ASCC3: variants seen among roughly 807,000 people sequenced by gnomAD.
The protein encoded by ASCC3 is ASC-1 complex subunit P200.
Under a neutral mutation model 256.3 loss-of-function variants are expected in ASCC3, and 158 were observed. The observed-to-expected ratio is 0.62, with a 90% CI of 0.54 to 0.70. The LOEUF is 0.70. Ranked by LOEUF, ASCC3 falls within the 30% of genes least tolerant of loss-of-function variation. The pLI is 0.00. For missense variants in ASCC3, 2,259 were observed against 2,626.0 expected (o/e 0.86, Z 3.05); for synonymous variants, 948 against 883.4 (o/e 1.07, Z -1.30).
intron 13 of ASCC3, among the ~76,000 whole-genome samples, chr6:100,713,658 C>A (rs577244613): frequency 6.6e-6 from 1 of 152,110 alleles, no homozygotes; most frequent in African/African-American, 2.4e-5. Flanking sequence ...GTAGGGAGCA[C>A]ATGGAAACTC....
At chr6:100,877,620 C>T (rs144923423) in intron 1 of ASCC3, among the ~76,000 whole-genome samples, 2 of 152,216 alleles carry the variant, frequency 1.3e-5, no homozygotes, top group Non-Finnish European at 2.9e-5. Context: ...TTATTACCAT[C>T]AATTGGTTCA....
chr6:100,609,147 G>A (rs1351837415), intron 30 of ASCC3, among the ~76,000 whole-genome samples: 1 of 151,548 alleles, frequency 6.6e-6, no homozygotes, highest in East Asian at 1.9e-4. Flanking sequence ...TTGTAAATCG[G>A]TCCCTTATGT....
At chr6:100,644,603 ACT>A (rs751131228) in intron 22 of ASCC3, among the ~76,000 whole-genome samples, 19 of 151,200 alleles carry the variant, frequency 1.3e-4, no homozygotes, top group Non-Finnish European at 1.9e-4. Context: ...TCTCTCTCTT[ACT>A]CTCTCTGTCT....
At chr6:100,689,027 C>T (rs1457617006) in intron 13 of ASCC3, among the ~76,000 whole-genome samples, 1 of 152,158 alleles carries the variant, frequency 6.6e-6, no homozygotes, top group East Asian at 1.9e-4. Flanking sequence ...TTAAAACCTT[C>T]ATGCATTTGT....
rs927526712 is a variant in ASCC3 at position 100,715,621 on chromosome 6, T to C, written c.2080-88A>G. On this transcript the variant is annotated intron_variant, in intron 12 of 41. Coordinates refer to ENST00000369162, the MANE Select transcript of ASCC3 (RefSeq NM_006828.4). ...TAAAATTTTGCCAATTACAATGCAT[T>C]TTTTAAGCTTTCAGGCTATCTAGAA... is the stretch of plus-strand genomic sequence containing the variant. 15 of 1,046,982 alleles carry C rather than the reference T, an allele frequency of 1.4e-5. No individual in the cohort carries two copies. In the Admixed American group the frequency reaches 2.6e-4, roughly 18 times the overall value. The allele number at this position is 1,046,982 out of a possible 1,614,324, so 64.9% of individuals were successfully genotyped here.
intron 7 of ASCC3, 64 bp from the exon 8 acceptor site, chr6:100,798,902 T>C (rs1015363627): frequency 4.3e-6 from 6 of 1,399,646 alleles, no homozygotes; most frequent in African/African-American, 1.4e-5. Context: ...CTGGTAAATA[T>C]TCTTTAGAGA....
intron 39 of ASCC3, among the ~76,000 whole-genome samples, 161 bp downstream of exon 39, chr6:100,516,019 G>A (rs904413464): frequency 6.6e-6 from 1 of 152,102 alleles, no homozygotes; most frequent in African/African-American, 2.4e-5. Context: ...AGAACTTCTT[G>A]AGACATCTAT....
chr6:100,741,266 G>C (rs1263321291), intron 10 of ASCC3, among the ~76,000 whole-genome samples: 1 of 152,140 alleles, frequency 6.6e-6, no homozygotes, highest in Non-Finnish European at 1.5e-5. Context: ...AGTCTGATGG[G>C]CTTCCCTTTG....
intron 34 of ASCC3, among the ~76,000 whole-genome samples, chr6:100,601,548 T>A (rs1181489839): frequency 6.6e-6 from 1 of 152,096 alleles, no homozygotes; most frequent in Non-Finnish European, 1.5e-5. Context: ...TGACTTCAGG[T>A]ATCTCATGTC....
intron 8 of ASCC3, among the ~76,000 whole-genome samples, chr6:100,767,775 A>ATTT (rs71547412): frequency 7.0e-6 from 1 of 143,878 alleles, no homozygotes; most frequent in Non-Finnish European, 1.5e-5. Flanking sequence ...TGCCCGGCTA[A>ATTT]TTTTTTTTTT....
chr6:100,848,523 A>G lies in ASCC3; in HGVS notation c.426T>C (p.Ser142=), dbSNP rs1562341181. ...GCACAAGAGCAGTAAGATCATCTTG[A>G]CTAAAATGAGAAATAATTCGATTAG... ...NATNRIISHF[S]QDDLTALVQM... The change falls in exon 4 of 42, where the codon AGT becomes AGC. Residue 142 remains serine (S), a synonymous_variant. Transcript: ENST00000369162. The G allele has an allele frequency of 6.2e-7, 1 of 1,614,122 alleles. No homozygotes were observed. The highest frequency in any genetic ancestry group is 8.5e-7 in the Non-Finnish European group (1 of 1,180,012).
chr6:100,643,869 T>A (rs536565167), intron 23 of ASCC3, among the ~76,000 whole-genome samples, 162 bp downstream of exon 23: 13 of 152,134 alleles, frequency 8.5e-5, no homozygotes, highest in Admixed American at 2.6e-4. Flanking sequence ...ATACCAATAC[T>A]ATAACATTTA....
In ASCC3 at chr6:100,861,491, A is replaced by G. The variant is rs1228641983; in HGVS notation, c.241+2573T>C. ...TAAATATAAGAGAAATGACAGGGAC[A>G]TTTTCCACATGAGACTAATCCTTTC... is the stretch of plus-strand genomic sequence containing the variant. On this transcript the variant is annotated intron_variant, in intron 3 of 41. Transcript: ENST00000369162. 2.0e-5 allele frequency among the ~76,000 whole-genome samples: 3 copies of G among 152,140 alleles called. No homozygotes were observed. The East Asian group carries it at 5.8e-4, about 29-fold the overall frequency.
intron 1 of ASCC3, among the ~76,000 whole-genome samples, 191 bp from the exon 2 acceptor site, chr6:100,868,229 G>A: frequency 6.6e-6 from 1 of 152,180 alleles, no homozygotes; most frequent in East Asian, 1.9e-4. Flanking sequence ...ATTAGCTATG[G>A]TTGGAGAAAG....
chr6:100,530,252 G>A (rs1404853109), intron 37 of ASCC3: 2 of 950,350 alleles, frequency 2.1e-6, no homozygotes, highest in Non-Finnish European at 3.4e-6. Flanking sequence ...ACAGGAGGAG[G>A]GGAGAGGCCT....
intron 37 of ASCC3, among the ~76,000 whole-genome samples, chr6:100,533,620 G>C (rs1582402997): frequency 6.6e-6 from 1 of 152,262 alleles, no homozygotes; most frequent in South Asian, 2.1e-4. Flanking sequence ...ACAGCCCTCT[G>C]CTTCTCAGAT....
intron 36 of ASCC3, among the ~76,000 whole-genome samples, chr6:100,581,031 G>A (rs1175383354): frequency 2.0e-5 from 3 of 151,982 alleles, no homozygotes; most frequent in Non-Finnish European, 4.4e-5. Flanking sequence ...GAATAGTGCC[G>A]CAATAAACAT....
chr6:100,782,524 G>A lies in ASCC3; in HGVS notation c.1396-15179C>T, dbSNP rs1052833424. Among the ~76,000 whole-genome samples, 15 of 151,898 alleles carry A rather than the reference G, an allele frequency of 9.9e-5. 1 individual carries two copies. Among genetic ancestry groups the A allele is most frequent in the African/African-American group, 2.7e-4 (11 of 41,358 alleles). Reference sequence around the variant, plus strand: ...TCACAAATCAATGCCTATTACCTTCGGCCTATCTAGCAATTTCACTTTTTA... The same window carrying A: ...TCACAAATCAATGCCTATTACCTTCAGCCTATCTAGCAATTTCACTTTTTA... On this transcript the variant is annotated intron_variant, in intron 8 of 41. Transcript: ENST00000369162.
At chr6:100,651,427 T>A (rs78651699) in intron 19 of ASCC3, 133 bp downstream of exon 19, 10,601 of 378,336 alleles carry the variant, frequency 0.028, 190 homozygotes, top group African/African-American at 0.057. Flanking sequence ...GGTCTTATTG[T>A]TAAATGAAGA....
Sources: gnomAD v4.1 joint callset for allele counts (sites outside exome capture counted in the v4.1 genomes callset) on GRCh38, gnomAD v4.1.1 for gene constraint, MANE v1.5 for transcripts, NCBI Gene and HGNC (gene_info 2026-07-23, HGNC 2026-07-21) for gene names.